ACRBP: variants seen among roughly 807,000 people sequenced by gnomAD.
ACRBP encodes acrosin-binding protein.
ACRBP carries 52 observed loss-of-function variants against 69.0 expected under a neutral mutation model. That is an observed-to-expected ratio of 0.75 (90% CI 0.60 to 0.95). The LOEUF is 0.95. Among genes scored for constraint, ACRBP ranks in the 40% least tolerant of loss-of-function variants. ACRBP has a pLI of 0.00. For synonymous variants in ACRBP, 267 were observed against 258.9 expected (o/e 1.03, Z -0.30); for missense variants, 604 against 673.0 (o/e 0.90, Z 1.13).
chr12:6,645,846 G>C (rs1949084203), intron 3 of ACRBP, among the ~76,000 whole-genome samples: 1 of 151,342 alleles, frequency 6.6e-6, no homozygotes, highest in Admixed American at 6.6e-5. Context: ...ATTTTTAGTA[G>C]AGACAGAGTT....
intron 1 of ACRBP, 84 bp from the exon 2 acceptor site, chr12:6,647,096 A>C: frequency 2.3e-6 from 3 of 1,301,970 alleles, no homozygotes; most frequent in Non-Finnish European, 3.2e-6. Context: ...AGACTGGCAA[A>C]TTAGGAACGG....
Position 6,640,561 on chromosome 12 carries a change from A to G in ACRBP, c.1078-39T>C. 1.3e-6 allele frequency: 2 copies of G among 1,595,516 alleles called. No individual in the cohort carries two copies. The highest frequency in any genetic ancestry group is 1.7e-6 in the Non-Finnish European group (2 of 1,168,956). On this transcript the variant is annotated intron_variant, in intron 6 of 9. Transcript: ENST00000229243. The surrounding 1 kb of genome is among the most constrained non-coding windows in gnomAD (Gnocchi z 5.3). ...ATGGGTGAGGCTGAAGCTGAGAGTC[A>G]GCGGCCTGCCTTCTCCCATGCCTCA...
intron 6 of ACRBP, among the ~76,000 whole-genome samples, chr12:6,641,868 C>T (rs985617969): frequency 6.6e-6 from 1 of 152,094 alleles, no homozygotes; most frequent in Non-Finnish European, 1.5e-5. Context: ...GGCAACATGG[C>T]GAGACCCTGT....
intron 9 of ACRBP, 41 bp downstream of exon 9, chr12:6,638,913 G>A: frequency 1.2e-6 from 2 of 1,605,426 alleles, no homozygotes; most frequent in Non-Finnish European, 1.7e-6. Context: ...GACTGATTGA[G>A]GGGGTGCTGG....
Position 6,647,418 on chromosome 12 carries a change from C to T in ACRBP, c.-52G>A. The T allele has an allele frequency of 1.4e-6, 2 of 1,478,480 alleles. No individual in the cohort carries two copies. Among genetic ancestry groups the T allele is most frequent in the African/African-American group, 1.4e-5 (1 of 69,770 alleles). The allele number at this position is 1,478,480 out of a possible 1,614,324, so 91.6% of individuals were successfully genotyped here. ...GTGGACACAAGCCGCCTCTAACGGG[C>T]CAAGCCGCAGAGAGAGCCGCAGGCG... On this transcript the variant is annotated 5_prime_UTR_variant, in exon 1 of 10. Coordinates refer to ENST00000229243, the MANE Select transcript of ACRBP (RefSeq NM_032489.3).
intron 3 of ACRBP, among the ~76,000 whole-genome samples, chr12:6,645,684 G>A (rs1221229119): frequency 2.2e-5 from 3 of 135,700 alleles, no homozygotes; most frequent in Non-Finnish European, 3.1e-5. Context: ...TTTTTGAGAC[G>A]GAGTCTCACT....
intron 5 of ACRBP, chr12:6,643,914 C>A: frequency 9.5e-7 from 1 of 1,055,976 alleles, no homozygotes; most frequent in African/African-American, 1.6e-5. Flanking sequence ...GACCAGAACC[C>A]AAGTCTGGTA....
Position 6,640,372 on chromosome 12 carries a change from C to T in ACRBP, c.1228G>A (p.Ala410Thr), listed in dbSNP as rs763868441. 8.1e-6 allele frequency: 13 copies of T among 1,614,144 alleles called. No homozygotes were observed. Among genetic ancestry groups the T allele is most frequent in the Admixed American group, 1.7e-5 (1 of 60,018 alleles). ...TTGCCGATGGACAGGCTCTGGGAGG[C>T]AAGCAAGGGGCTGACAAAGGGAGTC... Reference protein sequence around the residue: ...HKTPFVSPLLASQSLSIGNQV... With the variant: ...HKTPFVSPLLTSQSLSIGNQV... The change falls in exon 7 of 10, where the codon GCC becomes ACC. Residue 410 changes from alanine (A) to threonine (T), a missense_variant. By Grantham distance (58) the Ala-to-Thr change is moderately conservative. Around this residue, in one of 3 missense-constraint regions of ACRBP, gnomAD observed 532 missense variants for 562.9 expected, o/e 0.95. Coordinates refer to ENST00000229243, the MANE Select transcript of ACRBP (RefSeq NM_032489.3). This position sits in a 1 kb window ranked among gnomAD's most constrained non-coding sequence, Gnocchi z 5.3.
At chr12:6,638,733 G>C (rs1352272344) in intron 9 of ACRBP, 2 of 1,432,860 alleles carry the variant, frequency 1.4e-6, no homozygotes, top group Non-Finnish European at 1.8e-6. Context: ...GTGCTCTTAG[G>C]ACCCTCCTCT....
Position 6,646,842 on chromosome 12 carries a change from TGG to T in ACRBP, c.212_213del (p.Pro71HisfsTer9). On this transcript the variant is annotated frameshift_variant, in exon 2 of 10. Transcript: ENST00000229243. LOFTEE classifies it high-confidence loss of function. ...TCATATTGGTCCAGCTGGACGAGTG[TGG>T]GATTCCGGCAGCCGTGGGTTGCACG... Reference protein sequence around the residue: ...RLRATHGCRNPTLVQLDQYEN... With the variant: ...RLRATHGCRNXTLVQLDQYEN... 2 of 1,614,080 alleles carry T rather than the reference TGG, an allele frequency of 1.2e-6. No individual in the cohort carries two copies. The highest frequency in any genetic ancestry group is 8.5e-7 in the Non-Finnish European group (1 of 1,180,010).
At position 6,638,111 on chromosome 12, in the gene ACRBP, G is replaced by A; in HGVS notation, c.*171C>T. The A allele has an allele frequency of 1.2e-6, 1 of 833,878 alleles. No individual in the cohort carries two copies. The highest frequency in any genetic ancestry group is 1.9e-6 in the Non-Finnish European group (1 of 538,804). 51.7% of individuals were successfully genotyped at this position (833,878 alleles called of 1,614,324 possible). On this transcript the variant is annotated 3_prime_UTR_variant, in exon 10 of 10. Coordinates refer to ENST00000229243, the MANE Select transcript of ACRBP (RefSeq NM_032489.3). ...ATTTTATGTAAAGTCATCTTTTAAG[G>A]AGGGCGCAGCTCCCACCGTGGCCCT...
At position 6,644,261 on chromosome 12, in the gene ACRBP, C is replaced by T; in HGVS notation, c.820G>A (p.Glu274Lys). The stretch of plus-strand genomic sequence containing the variant: ...ATTATCATAGGAGTAGACTCTACTT[C>T]TCGTACCCGGGGAGCAAAAGAGGAA... ...NPSSFAPRVR[E>K]VESTPMIMEN... The change falls in exon 5 of 10, where the codon GAA (glutamate) becomes AAA (lysine). Residue 274 changes from glutamate to lysine, a missense_variant. Physicochemically the swap from Glu to Lys is moderately conservative, Grantham distance 56 (BLOSUM62 1). Transcript: ENST00000229243. 6.2e-7 allele frequency: 1 copy of T among 1,614,166 alleles called. No homozygotes were observed. Among genetic ancestry groups the T allele is most frequent in the South Asian group, 1.1e-5 (1 of 91,090 alleles).
intron 4 of ACRBP, 109 bp from the exon 5 acceptor site, chr12:6,644,714 T>G (rs1949076101): frequency 6.2e-6 from 9 of 1,455,442 alleles, no homozygotes; most frequent in Non-Finnish European, 8.2e-6. Context: ...AAGTCACACT[T>G]ATACACACAG....
chr12:6,640,636 A>G lies in ACRBP; in HGVS notation c.1078-114T>C. On this transcript the variant is annotated intron_variant, in intron 6 of 9. Coordinates refer to ENST00000229243, the MANE Select transcript of ACRBP (RefSeq NM_032489.3). The surrounding 1 kb of genome is among the most constrained non-coding windows in gnomAD (Gnocchi z 5.3). Reference sequence around the variant, plus strand: ...ATGTCTTTGCATTTAGCCTCTTCCAAAAGCTTCTCTGGGTTTTCTACTTGG... The same window carrying G: ...ATGTCTTTGCATTTAGCCTCTTCCAGAAGCTTCTCTGGGTTTTCTACTTGG... The G allele has an allele frequency of 8.2e-7, 1 of 1,219,454 alleles. No individual in the cohort carries two copies. Among genetic ancestry groups the G allele is most frequent in the Non-Finnish European group, 1.1e-6 (1 of 888,670 alleles). 75.5% of individuals were successfully genotyped at this position (1,219,454 alleles called of 1,614,324 possible). A position where few individuals can be genotyped will look rare whatever the true frequency, so the allele number is the denominator to read the frequency against.
chr12:6,638,537 G>A (rs1462789174), intron 9 of ACRBP, 133 bp from the exon 10 acceptor site: 4 of 1,348,822 alleles, frequency 3.0e-6, no homozygotes, highest in East Asian at 4.7e-5. Context: ...AGGGAAGGAG[G>A]AAACTCAAAT....
chr12:6,642,972 C>A (rs992432515), intron 6 of ACRBP, among the ~76,000 whole-genome samples: 5 of 152,132 alleles, frequency 3.3e-5, no homozygotes, highest in Non-Finnish European at 7.3e-5. Context: ...TGACTCAAGG[C>A]TGGGCATGGT....
chr12:6,638,996 G>A lies in ACRBP; in HGVS notation c.1467C>T (p.Ser489=), dbSNP rs1949031686. ...TDYIQYPNYC[S]FKSQQCLMRN... ...TCATCAGACACTGCTGGCTTTTGAAGGAACAGTAGTTTGGGTACTGGATAT... is the reference window on the plus strand; with the variant it reads ...TCATCAGACACTGCTGGCTTTTGAAAGAACAGTAGTTTGGGTACTGGATAT... The change falls in exon 9 of 10, where the codon TCC becomes TCT. Residue 489 remains serine (S), a synonymous_variant. Coordinates refer to ENST00000229243, the MANE Select transcript of ACRBP (RefSeq NM_032489.3). 1.8e-5 allele frequency: 29 copies of A among 1,614,210 alleles called. No individual in the cohort carries two copies. The highest frequency in any genetic ancestry group is 2.4e-5 in the Non-Finnish European group (28 of 1,180,030).
In ACRBP at chr12:6,640,544, G is replaced by C; in HGVS notation, c.1078-22C>G. On this transcript the variant is annotated intron_variant, in intron 6 of 9. Coordinates refer to ENST00000229243, the MANE Select transcript of ACRBP (RefSeq NM_032489.3). This position sits in a 1 kb window ranked among gnomAD's most constrained non-coding sequence, Gnocchi z 5.3. ...AGACCTGGGGCAGGGGAATGGGTGA[G>C]GCTGAAGCTGAGAGTCAGCGGCCTG... is the stretch of plus-strand genomic sequence containing the variant. The C allele has an allele frequency of 6.2e-7, 1 of 1,607,126 alleles. No individual in the cohort carries two copies. Among genetic ancestry groups the C allele is most frequent in the East Asian group, 2.2e-5 (1 of 44,706 alleles).
chr12:6,642,467 GAT>G lies in ACRBP; in HGVS notation c.1077+1070_1077+1071del, dbSNP rs1247106055. 7.2e-5 allele frequency among the ~76,000 whole-genome samples: 11 copies of G among 152,280 alleles called. No individual in the cohort carries two copies. The East Asian group carries it at 2.1e-3, about 29-fold the overall frequency. On this transcript the variant is annotated intron_variant, in intron 6 of 9. Coordinates refer to ENST00000229243, the MANE Select transcript of ACRBP (RefSeq NM_032489.3). ...GGGACACCCAAATCTTTGGGTGTAA[GAT>G]AGAAATTCAATTTCATTTTTTCCTC...
Sources: allele counts gnomAD v4.1 joint callset (sites outside exome capture counted in the v4.1 genomes callset), GRCh38; gene constraint gnomAD v4.1.1; regional missense constraint gnomAD v4.1.1; non-coding constraint Gnocchi (gnomAD v3.1); transcripts MANE v1.5; gene names NCBI Gene and HGNC (gene_info 2026-07-23, HGNC 2026-07-21).